LGSN: variants seen among roughly 807,000 people sequenced by gnomAD.
LGSN encodes lengsin.
LGSN carries 21 observed loss-of-function variants against 19.5 expected under a neutral mutation model. The ratio of observed to expected loss-of-function variants is 1.07; its 90% CI spans 0.76 to 1.55. The LOEUF is 1.55. Among genes scored for constraint, LGSN ranks in the 40% most tolerant of loss-of-function variants. The pLI is 0.00. For synonymous variants in LGSN, 257 were observed against 215.6 expected, an observed-to-expected ratio of 1.19 and a Z score of -1.68; for missense variants, 673 against 608.5, an observed-to-expected ratio of 1.11 and a Z score of -1.12.
At chr6:63,551,125 G>T in the LGSN span, among the ~76,000 whole-genome samples, 16 of 152,044 alleles carry the variant, frequency 1.1e-4, no homozygotes, top group Non-Finnish European at 1.8e-4. Flanking sequence ...GAGCACAGTT[G>T]CTCAATCTCT....
the LGSN span, among the ~76,000 whole-genome samples, chr6:63,460,135 T>A: frequency 4.2e-5 from 6 of 142,452 alleles, no homozygotes; most frequent in Non-Finnish European, 7.6e-5. Flanking sequence ...TTTTTTTGTA[T>A]TTTTAGTAGA....
chr6:63,404,512 G>A, the LGSN span, among the ~76,000 whole-genome samples: 1 of 152,194 alleles, frequency 6.6e-6, no homozygotes, highest in African/African-American at 2.4e-5. Flanking sequence ...TCACAGTTCT[G>A]GAGGCTGGTA....
In LGSN at chr6:63,279,874, A is replaced by T; in HGVS notation, c.*147T>A. ...TCAGCAGTCCTACTTCATCTGTCAAATATTCCATGGACAAAAAAAAAAGTC... is the reference window on the plus strand; with the variant it reads ...TCAGCAGTCCTACTTCATCTGTCAATTATTCCATGGACAAAAAAAAAAGTC... On this transcript the variant is annotated 3_prime_UTR_variant, in exon 4 of 4. Transcript: ENST00000370657. The T allele has an allele frequency of 1.4e-6, 1 of 731,774 alleles. No homozygotes were observed. Among genetic ancestry groups the T allele is most frequent in the East Asian group, 2.6e-5 (1 of 38,654 alleles). The allele number at this position is 731,774 out of a possible 1,614,324, so 45.3% of individuals were successfully genotyped here.
At chr6:63,505,719 G>T in the LGSN span, among the ~76,000 whole-genome samples, 1 of 152,014 alleles carries the variant, frequency 6.6e-6, no homozygotes. Context: ...AAGTGCAATG[G>T]CACAGTCTCG....
At position 63,298,970 on chromosome 6, in the gene LGSN, C is replaced by T. The variant is rs566466804; in HGVS notation, c.31-3925G>A. On this transcript the variant is annotated intron_variant, in intron 1 of 3. Transcript: ENST00000370657. ...ATCTTTTGGCTTAGTTACTATCCTG[C>T]CCCAAAGATAAAAAGAGAATTATAT... 7.4e-4 allele frequency among the ~76,000 whole-genome samples: 112 copies of T among 152,252 alleles called. 1 individual carries two copies. The highest frequency in any genetic ancestry group is 7.0e-3 in the South Asian group (34 of 4,824).
upstream of LGSN, among the ~76,000 whole-genome samples, chr6:63,323,964 G>A (rs921893098): frequency 4.0e-5 from 6 of 151,736 alleles, no homozygotes; most frequent in South Asian, 6.2e-4. Context: ...GTAGAGACAG[G>A]GTTTCGCCAT....
the LGSN span, among the ~76,000 whole-genome samples, chr6:63,331,881 GA>G: frequency 6.6e-6 from 1 of 152,050 alleles, no homozygotes; most frequent in Non-Finnish European, 1.5e-5. Context: ...ACGCATTCTT[GA>G]AAACCTGTTA....
the LGSN span, among the ~76,000 whole-genome samples, chr6:63,381,856 A>G: frequency 6.6e-6 from 1 of 152,236 alleles, no homozygotes; most frequent in South Asian, 2.1e-4. Flanking sequence ...CTCTAAGGAA[A>G]CAGAAATGTC....
At chr6:63,526,154 G>A in the LGSN span, among the ~76,000 whole-genome samples, 3 of 151,910 alleles carry the variant, frequency 2.0e-5, no homozygotes, top group Non-Finnish European at 2.9e-5. Flanking sequence ...GTGAAATCCC[G>A]TCTCCACTAA....
At chr6:63,398,393 T>A in the LGSN span, among the ~76,000 whole-genome samples, 1 of 151,886 alleles carries the variant, frequency 6.6e-6, no homozygotes, top group Non-Finnish European at 1.5e-5. Flanking sequence ...TCTGACCCTG[T>A]GTAGGCTTAG....
Position 63,285,593 on chromosome 6 carries a change from A to T in LGSN, c.324T>A (p.Phe108Leu). The change falls in exon 3 of 4, where the codon TTT becomes TTA. Residue 108 changes from phenylalanine (F) to leucine (L), a missense_variant. Transcript: ENST00000370657. ...ACAACTGTGTAAAACTCACTTGAAA[A>T]AAGTGTGCAGGGATAGTCTTAGACC... ...VSRSKTIPAH[F>L]FQEKVSHGVC... is the part of the protein sequence containing the mutation. 6.2e-7 allele frequency: 1 copy of T among 1,612,450 alleles called. No individual in the cohort carries two copies. Among genetic ancestry groups the T allele is most frequent in the Non-Finnish European group, 8.5e-7 (1 of 1,179,000 alleles).
At chr6:63,512,129 C>G in the LGSN span, among the ~76,000 whole-genome samples, 11 of 151,714 alleles carry the variant, frequency 7.3e-5, 1 homozygote. Context: ...GTTGCCCAGG[C>G]TGGAGTGCAG....
the LGSN span, among the ~76,000 whole-genome samples, chr6:63,388,585 G>A: frequency 2.0e-5 from 3 of 152,132 alleles, no homozygotes; most frequent in African/African-American, 7.2e-5. Context: ...ACAAGCCAAG[G>A]AGAGAGGCCT....
chr6:63,422,669 C>T, the LGSN span, among the ~76,000 whole-genome samples: 75 of 151,496 alleles, frequency 5.0e-4, no homozygotes, highest in Non-Finnish European at 8.8e-4. Flanking sequence ...GAGATACACA[C>T]GAAAATACTA....
the LGSN span, among the ~76,000 whole-genome samples, chr6:63,325,630 T>C: frequency 2.0e-5 from 3 of 152,214 alleles, no homozygotes; most frequent in East Asian, 1.9e-4. Context: ...TGGGTCTCAC[T>C]GACTTCAAAA....
At chr6:63,412,757 A>AAG in the LGSN span, among the ~76,000 whole-genome samples, 12 of 37,400 alleles carry the variant, frequency 3.2e-4, no homozygotes, top group African/African-American at 1.8e-3. Flanking sequence ...GAAAGAAAGA[A>AAG]AGAAAGAAAG....
chr6:63,330,433 A>G, the LGSN span, among the ~76,000 whole-genome samples: 1 of 152,194 alleles, frequency 6.6e-6, no homozygotes, highest in African/African-American at 2.4e-5. Flanking sequence ...TTCAAGGCTC[A>G]GGGCTTGCTT....
the LGSN span, among the ~76,000 whole-genome samples, chr6:63,510,128 G>A: frequency 1.3e-5 from 2 of 152,286 alleles, no homozygotes. Context: ...GTTTCCAGAA[G>A]AACTGCCTGT....
At chr6:63,336,561 G>GTATATA in the LGSN span, among the ~76,000 whole-genome samples, 161 of 127,562 alleles carry the variant, frequency 1.3e-3, 2 homozygotes, top group East Asian at 6.0e-3. Flanking sequence ...GTGTGTGTGT[G>GTATATA]TATATATATA....
Sources: allele counts gnomAD v4.1 joint callset (sites outside exome capture counted in the v4.1 genomes callset), GRCh38; gene constraint gnomAD v4.1.1; transcripts MANE v1.5; gene names NCBI Gene and HGNC (gene_info 2026-07-23, HGNC 2026-07-21).